MTMR12: variants seen among roughly 807,000 people sequenced by gnomAD.
MTMR12 encodes myotubularin-related protein 12.
MTMR12 carries 33 observed loss-of-function variants against 96.7 expected under a neutral mutation model. The ratio of observed to expected loss-of-function variants is 0.34; its 90% CI spans 0.26 to 0.46. The LOEUF is 0.46. MTMR12 is among the 20% of genes least tolerant of loss of function. MTMR12 has a pLI of 1.00. For missense variants in MTMR12, 721 were observed against 896.1 expected, an observed-to-expected ratio of 0.80 and a Z score of 2.49; for synonymous variants, 298 against 327.2, an observed-to-expected ratio of 0.91 and a Z score of 0.96.
intron 6 of MTMR12, among the ~76,000 whole-genome samples, chr5:32,266,931 T>A (rs1581616559): frequency 7.0e-6 from 1 of 143,834 alleles, no homozygotes; most frequent in South Asian, 2.3e-4. Context: ...TACAAAAAAA[T>A]TAGCTGGGCA....
intron 10 of MTMR12, among the ~76,000 whole-genome samples, chr5:32,246,309 C>T (rs929935974): frequency 6.6e-6 from 1 of 151,976 alleles, no homozygotes; most frequent in African/African-American, 2.4e-5. Context: ...ATTACAGGCA[C>T]CCACCACTAC....
intron 1 of MTMR12, among the ~76,000 whole-genome samples, chr5:32,300,327 A>G (rs188645868): frequency 1.3e-4 from 20 of 152,260 alleles, no homozygotes; most frequent in Non-Finnish European, 2.5e-4. Context: ...ACACCTATTC[A>G]CGTTACAGGT....
chr5:32,301,373 C>G (rs142142066), intron 1 of MTMR12, among the ~76,000 whole-genome samples: 3,088 of 152,292 alleles, frequency 0.02, 53 homozygotes, highest in Non-Finnish European at 0.028. Context: ...ATACCACAGA[C>G]TGACTGACCC....
chr5:32,237,575 A>C (rs1373120483), intron 13 of MTMR12, among the ~76,000 whole-genome samples: 1 of 151,974 alleles, frequency 6.6e-6, no homozygotes, highest in East Asian at 2.0e-4. Flanking sequence ...CAGTGGCACA[A>C]TCTTGGCTCA....
At chr5:32,294,818 T>C (rs544869510) in intron 1 of MTMR12, among the ~76,000 whole-genome samples, 1 of 152,210 alleles carries the variant, frequency 6.6e-6, no homozygotes. Context: ...ATCCGGATAA[T>C]ATTCTTCAAT....
intron 8 of MTMR12, among the ~76,000 whole-genome samples, chr5:32,249,956 G>A (rs527655285): frequency 5.3e-5 from 8 of 152,230 alleles, no homozygotes; most frequent in Non-Finnish European, 1.0e-4. Flanking sequence ...CAAGCCATTG[G>A]CCTGGGCTCA....
intron 7 of MTMR12, among the ~76,000 whole-genome samples, chr5:32,262,250 C>A (rs150901734): frequency 6.6e-6 from 1 of 151,704 alleles, no homozygotes; most frequent in African/African-American, 2.4e-5. Context: ...AGGTAATATA[C>A]CCAAGAAAAA....
At chr5:32,275,067 G>C (rs565244792) in intron 2 of MTMR12, among the ~76,000 whole-genome samples, 2 of 152,050 alleles carry the variant, frequency 1.3e-5, no homozygotes, top group Non-Finnish European at 2.9e-5. Context: ...TCTCCCACTT[G>C]ATAGCTCCTT....
At chr5:32,273,230 C>T (rs995861025) in intron 3 of MTMR12, among the ~76,000 whole-genome samples, 3 of 152,070 alleles carry the variant, frequency 2.0e-5, no homozygotes, top group African/African-American at 7.2e-5. Flanking sequence ...CAAAACCCTG[C>T]CTCTACCAAA....
At chr5:32,251,185 A>G (rs993845913) in intron 8 of MTMR12, among the ~76,000 whole-genome samples, 4 of 150,714 alleles carry the variant, frequency 2.7e-5, no homozygotes, top group Non-Finnish European at 5.9e-5. Context: ...CCTCCCGAGT[A>G]GCTGGGACTA....
At position 32,228,632 on chromosome 5, in the gene MTMR12, C is replaced by CATATATATGATAT. The variant is rs1239107421; in HGVS notation, c.*1145_*1146insATATCATATATAT. On this transcript the variant is annotated 3_prime_UTR_variant, in exon 16 of 16. Coordinates refer to ENST00000382142, the MANE Select transcript of MTMR12 (RefSeq NM_001040446.3). ...TCATATATATGATATATATATATCA[C>CATATATATGATAT]ATATATATCATATATATATCATTTA... is the stretch of plus-strand genomic sequence containing the variant. 7.7e-6 allele frequency: 1 copy of CATATATATGATAT among 129,608 alleles called. No homozygotes were observed. The highest frequency in any genetic ancestry group is 1.6e-5 in the Non-Finnish European group (1 of 63,080). 8.0% of individuals were successfully genotyped at this position (129,608 alleles called of 1,614,324 possible).
At chr5:32,296,137 C>G (rs1367634247) in intron 1 of MTMR12, among the ~76,000 whole-genome samples, 1 of 151,134 alleles carries the variant, frequency 6.6e-6, no homozygotes, top group African/African-American at 2.4e-5. Context: ...CCAGCCTGGA[C>G]GATGAGGCAA....
chr5:32,251,212 C>T (rs1370574160), intron 8 of MTMR12, among the ~76,000 whole-genome samples: 4 of 151,996 alleles, frequency 2.6e-5, no homozygotes, highest in East Asian at 1.9e-4. Context: ...CCCGCCACTA[C>T]GCCCGGCTAA....
chr5:32,250,116 T>C (rs1293911361), intron 8 of MTMR12, among the ~76,000 whole-genome samples: 1 of 152,184 alleles, frequency 6.6e-6, no homozygotes, highest in East Asian at 1.9e-4. Flanking sequence ...ATCCAGGTGA[T>C]ATTGTGCACT....
intron 1 of MTMR12, among the ~76,000 whole-genome samples, chr5:32,297,221 T>C (rs1750964489): frequency 6.6e-6 from 1 of 152,092 alleles, no homozygotes; most frequent in Non-Finnish European, 1.5e-5. Flanking sequence ...TGTACAATCA[T>C]CACCACAATC....
intron 7 of MTMR12, among the ~76,000 whole-genome samples, chr5:32,259,765 G>A (rs1366191089): frequency 1.3e-5 from 2 of 152,186 alleles, no homozygotes; most frequent in African/African-American, 2.4e-5. Context: ...GCTGGGCATA[G>A]TGGCTCAAGC....
chr5:32,284,317 C>CAAAAAAAA (rs57597487), intron 1 of MTMR12, among the ~76,000 whole-genome samples: 2 of 47,272 alleles, frequency 4.2e-5, no homozygotes, highest in African/African-American at 7.3e-5. Flanking sequence ...GACCCTGTCT[C>CAAAAAAAA]AAAAAAAAAA....
At chr5:32,240,228 GTC>G (rs1748412688) in intron 12 of MTMR12, among the ~76,000 whole-genome samples, 1 of 151,880 alleles carries the variant, frequency 6.6e-6, no homozygotes, top group African/African-American at 2.4e-5. Context: ...GTGAAACCCC[GTC>G]TCTACTAAAA....
Position 32,247,539 on chromosome 5 carries a change from A to G in MTMR12, c.1021+463T>C, listed in dbSNP as rs374184282. ...GCATATTTCATTTTCTACTTTGTAC[A>G]TTTCTGGTAGAACTTTTAATATTGT... On this transcript the variant is annotated intron_variant, in intron 10 of 15. Transcript: ENST00000382142. 2.6e-5 allele frequency among the ~76,000 whole-genome samples: 4 copies of G among 152,180 alleles called. No individual in the cohort carries two copies. The East Asian group carries it at 7.7e-4, about 29-fold the overall frequency.
Sources: gnomAD v4.1 joint callset for allele counts (sites outside exome capture counted in the v4.1 genomes callset) on GRCh38, gnomAD v4.1.1 for gene constraint, MANE v1.5 for transcripts, NCBI Gene and HGNC (gene_info 2026-07-23, HGNC 2026-07-21) for gene names.